DOK7: variants seen among roughly 807,000 people sequenced by gnomAD.
The protein encoded by DOK7 is docking protein 7, also known as protein Dok-7.
Under a neutral mutation model 30.7 loss-of-function variants are expected in DOK7, and 32 were observed. The ratio of observed to expected loss-of-function variants is 1.04; its 90% CI spans 0.79 to 1.40. The LOEUF (loss-of-function observed/expected upper bound fraction) is 1.40. Ranked by LOEUF, DOK7 falls within the 40% of genes most tolerant of loss-of-function variation. The pLI is 0.00. For missense variants in DOK7, 1,007 were observed against 699.2 expected (o/e 1.44, Z -4.97); for synonymous variants, 447 against 324.1 (o/e 1.38, Z -4.07).
chr4:3,468,967 TGA>T (rs199858518), intron 2 of DOK7, among the ~76,000 whole-genome samples: 3,458 of 150,244 alleles, frequency 0.023, 115 homozygotes, highest in African/African-American at 0.075. Flanking sequence ...GGTGCCTGTA[TGA>T]GTGTACGTGT....
chr4:3,473,630 G>T lies in DOK7; in HGVS notation c.325G>T (p.Gly109Cys). The change falls in exon 3 of 7, where the codon GGC becomes TGC. Residue 109 changes from glycine (G) to cysteine (C), a missense_variant. By Grantham distance (159) the Gly-to-Cys change is radical. Coordinates refer to ENST00000340083, the MANE Select transcript of DOK7 (RefSeq NM_173660.5). ...GGATGCCCGGATCCGCTATGCGCTC[G>T]GCGAGGGTGAGTGACGGGGGCCGGG... ...AWDARIRYAL[G>C]EVHRFHVTVA... is the part of the protein sequence containing the mutation. 1 of 1,567,264 alleles carries T rather than the reference G, an allele frequency of 6.4e-7. No homozygotes were observed. Among genetic ancestry groups the T allele is most frequent in the East Asian group, 2.4e-5 (1 of 42,484 alleles).
chr4:3,500,905 G>A, exon 8 of DOK7: 1 of 1,450,824 alleles, frequency 6.9e-7, no homozygotes, highest in Non-Finnish European at 9.1e-7. Flanking sequence ...CCCTTCTGTT[G>A]GGCGTGGTCT....
chr4:3,493,124 G>C lies in DOK7; in HGVS notation c.1138G>C (p.Ala380Pro), dbSNP rs760412846. ...ACTGCTCAGCCTGCCAGCAGCGGGG[G>C]CCCCCGAGCCCAGCCTGTGCACCTG... The part of the protein sequence containing the change: ...GSLLSLPAAG[A>P]PEPSLCTCLP... Residue 380 changes from alanine to proline, a missense_variant, in exon 7 of 7, where the codon GCC (alanine) becomes CCC (proline). Transcript: ENST00000340083. 1.9e-6 allele frequency: 3 copies of C among 1,592,102 alleles called. No homozygotes were observed. Among genetic ancestry groups the C allele is most frequent in the Admixed American group, 3.5e-5 (2 of 57,564 alleles).
rs182927861 is a variant in DOK7, at chr4:3,500,792, G to A, written c.1362G>A (p.Ser454=). Residue 454 remains serine (S), a synonymous_variant, in exon 8 of 8, where the codon TCG becomes TCA. Coordinates refer to the DOK7 transcript ENST00000643608. The stretch of plus-strand genomic sequence containing the variant: ...CACGGGCCCGGGAGGAGCAGCTGTC[G>A]GAGCTGGAGCAGAGGAAGGCAGCCC... 3.3e-5 allele frequency: 50 copies of A among 1,533,886 alleles called. No homozygotes were observed. Among genetic ancestry groups the A allele is most frequent in the Middle Eastern group, 2.0e-4 (1 of 4,904 alleles).
chr4:3,499,556 C>T (rs1356971047), intron 6 of DOK7, among the ~76,000 whole-genome samples: 1 of 152,168 alleles, frequency 6.6e-6, no homozygotes, highest in Admixed American at 6.5e-5. Flanking sequence ...CCCAGCCGGG[C>T]CTGTGGGGTC....
intron 2 of DOK7, among the ~76,000 whole-genome samples, chr4:3,470,519 C>T (rs1212933330): frequency 2.0e-5 from 3 of 152,090 alleles, no homozygotes; most frequent in Non-Finnish European, 4.4e-5. Context: ...GAGGGTCGAG[C>T]GTGGGTTCAG....
intron 5 of DOK7, among the ~76,000 whole-genome samples, chr4:3,487,991 G>A (rs1407381400): frequency 6.6e-6 from 1 of 152,248 alleles, no homozygotes; most frequent in African/African-American, 2.4e-5. Flanking sequence ...GAGCTGCTAA[G>A]CCGTGTGGCC....
chr4:3,494,007 G>A lies in DOK7; in HGVS notation c.*506G>A, dbSNP rs577578877. On this transcript the variant is annotated 3_prime_UTR_variant, in exon 7 of 7. Transcript: ENST00000340083. The stretch of plus-strand genomic sequence containing the variant: ...CACCAGCCCAGCCCCCCTGGGCTCC[G>A]TGTGCGCTGGGCCTCATCCCCATCT... 1.0e-5 allele frequency: 10 copies of A among 993,180 alleles called. No homozygotes were observed. Among genetic ancestry groups the A allele is most frequent in the Non-Finnish European group, 1.1e-5 (9 of 835,638 alleles). 61.5% of individuals were successfully genotyped at this position (993,180 alleles called of 1,614,324 possible).
At chr4:3,494,969 C>A (rs921280734), downstream of DOK7, among the ~76,000 whole-genome samples, 4 of 152,238 alleles carry the variant, frequency 2.6e-5, no homozygotes, top group African/African-American at 9.6e-5. Context: ...CCTTTGCCTG[C>A]CACCCTGTCA....
chr4:3,484,177 C>G (rs1026023481), intron 4 of DOK7, among the ~76,000 whole-genome samples: 4 of 152,234 alleles, frequency 2.6e-5, no homozygotes, highest in African/African-American at 9.6e-5. Context: ...AGGAATGGCG[C>G]TGTCCCATGA....
At chr4:3,473,889 C>G (rs1726919261) in intron 3 of DOK7, among the ~76,000 whole-genome samples, 1 of 152,158 alleles carries the variant, frequency 6.6e-6, no homozygotes, top group African/African-American at 2.4e-5. Flanking sequence ...AGCCTTTAAC[C>G]CAAGCTGGTG....
intron 4 of DOK7, among the ~76,000 whole-genome samples, chr4:3,480,045 G>A (rs1022533174): frequency 6.6e-6 from 1 of 152,254 alleles, no homozygotes; most frequent in Non-Finnish European, 1.5e-5. Context: ...AGGGCCACTC[G>A]CCCTGGGACA....
At chr4:3,483,114 AGGGTGG>A (rs1727533172) in intron 4 of DOK7, among the ~76,000 whole-genome samples, 5 of 95,572 alleles carry the variant, frequency 5.2e-5, no homozygotes, top group African/African-American at 1.7e-4. Context: ...AGGGGTGTGG[AGGGTGG>A]GGACGGCAGC....
chr4:3,493,930 ACAC>A lies in DOK7; in HGVS notation c.*434_*436del. On this transcript the variant is annotated 3_prime_UTR_variant, in exon 7 of 7. Transcript: ENST00000340083. ...TCCCCATCACCTCTCTGGGGCAGTC[ACAC>A]CACCTGTTAAGCATCAAGCTACCAC... The A allele has an allele frequency of 9.8e-7, 1 of 1,022,980 alleles. No homozygotes were observed. Among genetic ancestry groups the A allele is most frequent in the Non-Finnish European group, 1.2e-6 (1 of 855,528 alleles). The allele number at this position is 1,022,980 out of a possible 1,614,324, so 63.4% of individuals were successfully genotyped here.
intron 2 of DOK7, among the ~76,000 whole-genome samples, chr4:3,467,760 C>T (rs1577139921): frequency 2.0e-5 from 3 of 152,156 alleles, no homozygotes; most frequent in South Asian, 4.1e-4. Flanking sequence ...TCACTGCTCA[C>T]GGTTCTGGGG....
intron 2 of DOK7, among the ~76,000 whole-genome samples, chr4:3,469,772 C>T (rs936095086): frequency 2.0e-5 from 3 of 152,186 alleles, no homozygotes; most frequent in African/African-American, 7.2e-5. Context: ...CAGCGCTTTG[C>T]CCCCTGGCAC....
intron 5 of DOK7, among the ~76,000 whole-genome samples, chr4:3,489,423 G>A (rs948001387): frequency 5.9e-5 from 9 of 152,202 alleles, no homozygotes; most frequent in African/African-American, 2.2e-4. Context: ...TGGGGTCCTG[G>A]TGAGTGGGCA....
At chr4:3,487,642 C>T (rs1393850343) in intron 5 of DOK7, among the ~76,000 whole-genome samples, 1 of 152,192 alleles carries the variant, frequency 6.6e-6, no homozygotes, top group African/African-American at 2.4e-5. Flanking sequence ...TGCACCGTTG[C>T]TGCACCCCAT....
intron 6 of DOK7, among the ~76,000 whole-genome samples, chr4:3,499,629 C>T (rs1419743655): frequency 3.3e-5 from 5 of 151,908 alleles, no homozygotes; most frequent in Non-Finnish European, 7.4e-5. Flanking sequence ...ACAGAACCAT[C>T]AGCTATTAGG....
Sources: allele counts gnomAD v4.1 joint callset (sites outside exome capture counted in the v4.1 genomes callset), GRCh38; gene constraint gnomAD v4.1.1; transcripts MANE v1.5; gene names NCBI Gene and HGNC (gene_info 2026-07-23, HGNC 2026-07-21).